Variants in IL1RAPL2 observed in about 807,000 individuals in gnomAD.
The protein encoded by IL1RAPL2 is interleukin 1 receptor accessory protein like 2, also known as X-linked interleukin-1 receptor accessory protein-like 2.
In IL1RAPL2, 3 loss-of-function variants were observed where a neutral mutation model predicts 44.1. That is an observed-to-expected ratio of 0.07 (90% confidence interval 0.03 to 0.18). The LOEUF (loss-of-function observed/expected upper bound fraction) is 0.18. IL1RAPL2 is among the 10% of genes least tolerant of loss of function. The pLI is 1.00. For synonymous variants in IL1RAPL2, 181 were observed against 178.8 expected, an observed-to-expected ratio of 1.01 and a Z score of -0.10; for missense variants, 391 against 496.4, an observed-to-expected ratio of 0.79 and a Z score of 2.02.
At chrX:105,627,481 TG>T (rs2037461260) in intron 6 of IL1RAPL2, among the ~76,000 whole-genome samples, 2 of 111,326 alleles carry the variant, frequency 1.8e-5, no homozygotes, top group Non-Finnish European at 3.8e-5. Flanking sequence ...AAAATATAGA[TG>T]GGAGTTTTTA....
intron 5 of IL1RAPL2, among the ~76,000 whole-genome samples, chrX:105,352,544 C>T (rs2035164426): frequency 9.0e-6 from 1 of 110,541 alleles, no homozygotes; most frequent in South Asian, 3.9e-4. Context: ...TACAGTCCCA[C>T]CAACAGTGTA....
intron 2 of IL1RAPL2, among the ~76,000 whole-genome samples, chrX:104,733,766 C>T (rs1931966229): frequency 9.1e-6 from 1 of 110,457 alleles, no homozygotes; most frequent in Admixed American, 9.7e-5. Flanking sequence ...AATTCATTTT[C>T]ATGACCTAGG....
intron 3 of IL1RAPL2, among the ~76,000 whole-genome samples, chrX:105,225,310 T>A (rs1556187423): frequency 8.9e-6 from 1 of 112,345 alleles, no homozygotes; most frequent in African/African-American, 3.2e-5. Context: ...ATGACAAAAA[T>A]TTTATTTTGA....
chrX:104,916,751 G>A (rs71510576), intron 2 of IL1RAPL2, among the ~76,000 whole-genome samples: 3 of 111,027 alleles, frequency 2.7e-5, no homozygotes, highest in Admixed American at 9.7e-5. Flanking sequence ...CCATCAGTAC[G>A]TAATTTCTTG....
chrX:104,964,770 T>G (rs2030087073), intron 2 of IL1RAPL2, among the ~76,000 whole-genome samples: 1 of 111,333 alleles, frequency 9.0e-6, no homozygotes, highest in Admixed American at 9.6e-5. Context: ...ATAAAATGCC[T>G]AGAAATACTG....
intron 2 of IL1RAPL2, among the ~76,000 whole-genome samples, chrX:104,816,656 C>T (rs911698253): frequency 1.8e-5 from 2 of 112,162 alleles, no homozygotes; most frequent in Non-Finnish European, 3.8e-5. Flanking sequence ...GTATGATAGG[C>T]AGTTTGAATC....
At chrX:104,814,258 A>G (rs1921075182) in intron 2 of IL1RAPL2, among the ~76,000 whole-genome samples, 1 of 111,968 alleles carries the variant, frequency 8.9e-6, no homozygotes. Context: ...TACCTATTTA[A>G]GAAGTTTTCT....
chrX:104,829,071 G>A (rs1921540414), intron 2 of IL1RAPL2, among the ~76,000 whole-genome samples: 1 of 112,183 alleles, frequency 8.9e-6, no homozygotes, highest in Admixed American at 9.4e-5. Flanking sequence ...GGGCTCTGTG[G>A]GGTTGGGATC....
chrX:105,063,530 G>A (rs747938160), intron 2 of IL1RAPL2, among the ~76,000 whole-genome samples: 7 of 112,168 alleles, frequency 6.2e-5, no homozygotes, highest in African/African-American at 1.9e-4. Context: ...TCTGTGCCAA[G>A]TGCTCACCTC....
chrX:105,642,356 G>C (rs1471466190), intron 6 of IL1RAPL2, among the ~76,000 whole-genome samples: 2 of 112,341 alleles, frequency 1.8e-5, no homozygotes, highest in Non-Finnish European at 3.8e-5. Flanking sequence ...TAGAATATCA[G>C]AGAAGCACTT....
intron 2 of IL1RAPL2, among the ~76,000 whole-genome samples, chrX:104,906,763 T>C (rs1328287208): frequency 1.8e-5 from 2 of 111,850 alleles, no homozygotes; most frequent in African/African-American, 6.5e-5. Flanking sequence ...TGGTCTAAAA[T>C]TGTCTTTTTT....
At position 105,426,361 on chromosome X, in the gene IL1RAPL2, G is replaced by A. The variant is rs148932524; in HGVS notation, c.698-57952G>A. Among the ~76,000 whole-genome samples the A allele has an allele frequency of 1.1e-3, 122 of 110,604 alleles. 1 individual carries two copies. The East Asian group carries it at 0.033, about 30-fold the overall frequency. ...CACACTATATTCTACCTACCTCAGG[G>A]TGTGATACATGAGATTTCATTTACC... On this transcript the variant is annotated intron_variant, in intron 5 of 10. Transcript: ENST00000372582.
intron 5 of IL1RAPL2, among the ~76,000 whole-genome samples, chrX:105,331,880 A>G (rs2034988905): frequency 9.0e-6 from 1 of 110,875 alleles, no homozygotes; most frequent in Non-Finnish European, 1.9e-5. Flanking sequence ...TCCTAACTTA[A>G]GGTTTCCTTA....
At chrX:104,727,827 C>T (rs1317104572) in intron 2 of IL1RAPL2, among the ~76,000 whole-genome samples, 1 of 108,168 alleles carries the variant, frequency 9.2e-6, no homozygotes, top group Non-Finnish European at 1.9e-5. Context: ...ATGGATGGAA[C>T]AGGAGGCCAT....
rs56979628 is a variant in IL1RAPL2 at position 105,412,306 on chromosome X, GTATA to G, written c.698-71976_698-71973del. Among the ~76,000 whole-genome samples, 167 of 93,179 alleles carry G rather than the reference GTATA, an allele frequency of 1.8e-3. 1 individual carries two copies. Among genetic ancestry groups the G allele is most frequent in the East Asian group, 3.6e-3 (10 of 2,773 alleles). The allele number at this position is 93,179 out of a possible 115,157, so 80.9% of individuals were successfully genotyped here. ...GCAGATGAGTGATAAGAAAAATGTA[GTATA>G]TATATATATATATATATATATATAT... On this transcript the variant is annotated intron_variant, in intron 5 of 10. Coordinates refer to ENST00000372582, the MANE Select transcript of IL1RAPL2 (RefSeq NM_017416.2).
At chrX:105,701,538 T>C (rs1024427454) in intron 6 of IL1RAPL2, among the ~76,000 whole-genome samples, 3 of 111,337 alleles carry the variant, frequency 2.7e-5, no homozygotes, top group African/African-American at 9.8e-5. Flanking sequence ...CTTAGATCTA[T>C]ATCAAGCTAA....
In IL1RAPL2 at chrX:104,955,541, T is replaced by G. The variant is rs192851392; in HGVS notation, c.83-239934T>G. The stretch of plus-strand genomic sequence containing the variant: ...TTATACTCCCATATATATATTATAC[T>G]CATATATATATATTATACTCATATA... On this transcript the variant is annotated intron_variant, in intron 2 of 10. Transcript: ENST00000372582. Among the ~76,000 whole-genome samples the G allele has an allele frequency of 4.8e-3, 520 of 107,254 alleles. 1 individual carries two copies. The highest frequency in any genetic ancestry group is 0.017 in the African/African-American group (495 of 29,733). The allele number at this position is 107,254 out of a possible 115,157, so 93.1% of individuals were successfully genotyped here.
At chrX:104,648,971 GTC>G (rs1192654428) in intron 1 of IL1RAPL2, among the ~76,000 whole-genome samples, 1 of 111,219 alleles carries the variant, frequency 9.0e-6, no homozygotes, top group African/African-American at 3.3e-5. Flanking sequence ...CCCTTCTGCT[GTC>G]TCTCAATGTT....
chrX:105,059,912 C>T (rs780508134), intron 2 of IL1RAPL2, among the ~76,000 whole-genome samples: 5 of 112,259 alleles, frequency 4.5e-5, no homozygotes, highest in South Asian at 3.7e-4. Flanking sequence ...CTGCAATAAA[C>T]GTGGGAATGC....
Sources: allele counts gnomAD v4.1 joint callset (sites outside exome capture counted in the v4.1 genomes callset), GRCh38; gene constraint gnomAD v4.1.1; transcripts MANE v1.5; gene names NCBI Gene and HGNC (gene_info 2026-07-23, HGNC 2026-07-21).